Variants in DMD observed in about 807,000 individuals in gnomAD.
DMD encodes the protein mutant dystrophin.
A neutral mutation model predicts 330.1 loss-of-function variants in DMD; 63 were observed. That is an observed-to-expected ratio of 0.19 (90% confidence interval 0.16 to 0.24). The LOEUF is 0.24. Ranked by LOEUF, DMD falls within the 10% of genes least tolerant of loss-of-function variation. DMD has a pLI of 1.00. For synonymous variants in DMD, 1,223 were observed against 959.8 expected, an observed-to-expected ratio of 1.27 and a Z score of -5.07; for missense variants, 3,344 against 2,684.1, an observed-to-expected ratio of 1.25 and a Z score of -5.43.
intron 11 of DMD, among the ~76,000 whole-genome samples, chrX:32,638,058 AATT>A (rs201160445): frequency 0.04 from 4,417 of 111,679 alleles, 93 homozygotes; most frequent in African/African-American, 0.072. Context: ...TCACATTTTT[AATT>A]ATTGACAGAA....
At chrX:31,266,957 AGGAGCCGGCGCGGGCGGGCCGG>A in intron 62 of DMD, 4 of 1,074,892 alleles carry the variant, frequency 3.7e-6, no homozygotes. Flanking sequence ...AGCACTGCGG[AGGAGCCGGCGCGGGCGGGCCGG>A]GGAGGGGGCG....
intron 2 of DMD, among the ~76,000 whole-genome samples, chrX:33,005,294 ACG>A (rs1319040640): frequency 9.8e-5 from 8 of 81,983 alleles, no homozygotes; most frequent in African/African-American, 3.1e-4. Flanking sequence ...ACACACACAC[ACG>A]CATATATATA....
chrX:31,585,323 C>CAAAAAA (rs1213158531), intron 55 of DMD, among the ~76,000 whole-genome samples: 1 of 36,119 alleles, frequency 2.8e-5, no homozygotes, highest in African/African-American at 1.2e-4. Context: ...GACCCTGTCT[C>CAAAAAA]AAAAAAAAAA....
chrX:33,088,503 G>A (rs767175189), intron 1 of DMD, among the ~76,000 whole-genome samples: 1 of 111,298 alleles, frequency 9.0e-6, no homozygotes, highest in East Asian at 2.8e-4. Context: ...TTAAAGTAAC[G>A]AATAAATATG....
At chrX:31,773,724 C>CT (rs762551529) in intron 51 of DMD, among the ~76,000 whole-genome samples, 18,874 of 53,427 alleles carry the variant, frequency 0.35, 3,493 homozygotes, top group African/African-American at 0.41. Context: ...AAGGTTTCTG[C>CT]TTTTTTTTTT....
At chrX:32,279,973 A>G (rs1456417929) in intron 43 of DMD, among the ~76,000 whole-genome samples, 1 of 102,228 alleles carries the variant, frequency 9.8e-6, no homozygotes, top group East Asian at 3.2e-4. Context: ...ACCCATATAT[A>G]TATGTACCCC....
chrX:32,838,087 G>T, intron 4 of DMD, among the ~76,000 whole-genome samples: 1 of 111,489 alleles, frequency 9.0e-6, no homozygotes, highest in Non-Finnish European at 1.9e-5. Context: ...TGACAGTGGT[G>T]AATTAATGGC....
chrX:32,931,094 A>G (rs2089551011), intron 2 of DMD, among the ~76,000 whole-genome samples: 1 of 108,966 alleles, frequency 9.2e-6, no homozygotes, highest in Non-Finnish European at 1.9e-5. Context: ...TATTATATAT[A>G]TTCATATGAT....
chrX:33,003,710 T>C (rs2093337757), intron 2 of DMD, among the ~76,000 whole-genome samples: 1 of 112,236 alleles, frequency 8.9e-6, no homozygotes, highest in Non-Finnish European at 1.9e-5. Flanking sequence ...AGTCTCTGAA[T>C]AAAATCACAA....
intron 44 of DMD, among the ~76,000 whole-genome samples, chrX:32,153,234 G>A (rs1396780375): frequency 8.9e-6 from 1 of 111,767 alleles, no homozygotes; most frequent in African/African-American, 3.2e-5. Flanking sequence ...TTTGTACACA[G>A]ACAATATCTC....
intron 55 of DMD, among the ~76,000 whole-genome samples, chrX:31,595,759 C>A (rs1243886237): frequency 9.4e-6 from 1 of 106,047 alleles, no homozygotes; most frequent in African/African-American, 3.4e-5. Flanking sequence ...TTGAAGATTG[C>A]AACTCATCTA....
chrX:31,456,266 G>A (rs1020255782), intron 59 of DMD, among the ~76,000 whole-genome samples: 2 of 112,361 alleles, frequency 1.8e-5, no homozygotes, highest in Admixed American at 1.9e-4. Flanking sequence ...GAGAAGTTTA[G>A]GCATATTTCT....
intron 44 of DMD, among the ~76,000 whole-genome samples, chrX:32,141,818 T>C (rs1222205124): frequency 2.7e-5 from 3 of 110,827 alleles, no homozygotes; most frequent in Non-Finnish European, 3.8e-5. Flanking sequence ...CAAGAAATGA[T>C]GGGCCTTGGG....
At chrX:31,335,198 T>C (rs921787728) in intron 61 of DMD, among the ~76,000 whole-genome samples, 1 of 112,707 alleles carries the variant, frequency 8.9e-6, no homozygotes, top group African/African-American at 3.2e-5. Flanking sequence ...TTGATTTACA[T>C]TGGTCATTCA....
chrX:32,548,925 A>T (rs752634731), intron 16 of DMD, among the ~76,000 whole-genome samples: 1 of 111,928 alleles, frequency 8.9e-6, no homozygotes, highest in South Asian at 3.7e-4. Context: ...AATAGAATAT[A>T]GTTTGACCTA....
In DMD at chrX:32,196,483, T is replaced by C. The variant is rs757367166; in HGVS notation, c.6438+20433A>G. Among the ~76,000 whole-genome samples the C allele has an allele frequency of 4.5e-5, 5 of 112,064 alleles. No individual in the cohort carries two copies. In the South Asian group the frequency reaches 1.5e-3, roughly 33 times the overall value. On this transcript the variant is annotated intron_variant, in intron 44 of 78. Coordinates refer to ENST00000357033, the MANE Select transcript of DMD (RefSeq NM_004006.3). ...GTTATATATTCAAATGGATATACCA[T>C]GGAAAAAAAGAACCTATTACTGAAT...
intron 62 of DMD, among the ~76,000 whole-genome samples, chrX:31,271,676 T>C (rs1021613304): frequency 9.0e-6 from 1 of 111,620 alleles, no homozygotes; most frequent in Non-Finnish European, 1.9e-5. Flanking sequence ...ATTTAGAGTA[T>C]AGGTATCACT....
chrX:32,157,399 A>G (rs915522182), intron 44 of DMD, among the ~76,000 whole-genome samples: 7 of 112,531 alleles, frequency 6.2e-5, no homozygotes, highest in Non-Finnish European at 1.1e-4. Context: ...GAAACATACC[A>G]ATATTTATAT....
intron 16 of DMD, among the ~76,000 whole-genome samples, chrX:32,561,204 T>C (rs2050960296): frequency 9.0e-6 from 1 of 111,527 alleles, no homozygotes; most frequent in Non-Finnish European, 1.9e-5. Flanking sequence ...AATAACAAAC[T>C]TCCCTGAGCT....
Sources: gnomAD v4.1 joint callset for allele counts (sites outside exome capture counted in the v4.1 genomes callset) on GRCh38, gnomAD v4.1.1 for gene constraint, MANE v1.5 for transcripts, NCBI Gene and HGNC (gene_info 2026-07-23, HGNC 2026-07-21) for gene names.